Variants in LRP6 observed in about 807,000 individuals in gnomAD.
LRP6 encodes the protein LDL receptor related protein 6.
A neutral mutation model predicts 184.1 loss-of-function variants in LRP6; 43 were observed. That is an observed-to-expected ratio of 0.23 (90% CI 0.18 to 0.30). LRP6 has a LOEUF of 0.30. Among genes scored for constraint, LRP6 ranks in the 10% least tolerant of loss-of-function variants. The pLI is 1.00. For missense variants in LRP6, 1,571 were observed against 2,005.3 expected (o/e 0.78, Z 4.14); for synonymous variants, 719 against 684.9 (o/e 1.05, Z -0.78).
In LRP6 at chr12:12,266,669, C is replaced by A. The variant is rs1865775547; in HGVS notation, c.55+12G>T. On this transcript the variant is annotated intron_variant, in intron 1 of 22. Coordinates refer to ENST00000261349, the MANE Select transcript of LRP6 (RefSeq NM_002336.3). Reference sequence around the variant, plus strand: ...AACCCCACCAACTTTCCAGTGCCCCCACTCTTCCCACCTCTCAGGAGCACA... The same window carrying A: ...AACCCCACCAACTTTCCAGTGCCCCAACTCTTCCCACCTCTCAGGAGCACA... 2 of 1,612,650 alleles carry A rather than the reference C, an allele frequency of 1.2e-6. No individual in the cohort carries two copies. Among genetic ancestry groups the A allele is most frequent in the African/African-American group, 1.3e-5 (1 of 74,954 alleles).
intron 12 of LRP6, chr12:12,155,147 G>C (rs1950133102): frequency 4.4e-6 from 2 of 454,942 alleles, no homozygotes; most frequent in Non-Finnish European, 8.2e-6. Flanking sequence ...AGTGAGCCAA[G>C]ATCACGCCAC....
chr12:12,173,302 T>C (rs1863093465), intron 7 of LRP6, among the ~76,000 whole-genome samples: 1 of 152,182 alleles, frequency 6.6e-6, no homozygotes, highest in African/African-American at 2.4e-5. Flanking sequence ...AAGGGAAAAC[T>C]GCCCTCTCTG....
intron 3 of LRP6, among the ~76,000 whole-genome samples, chr12:12,191,837 T>A: frequency 6.7e-6 from 1 of 149,054 alleles, no homozygotes; most frequent in Non-Finnish European, 1.5e-5. Context: ...AAGAAAAAAA[T>A]GAAAAGGAAG....
At chr12:12,212,526 C>G (rs897676091) in intron 2 of LRP6, among the ~76,000 whole-genome samples, 2 of 152,162 alleles carry the variant, frequency 1.3e-5, no homozygotes, top group African/African-American at 2.4e-5. Flanking sequence ...CCACCGCCCC[C>G]CTGCCAAGTA....
intron 7 of LRP6, among the ~76,000 whole-genome samples, chr12:12,168,525 A>G (rs1468769148): frequency 1.3e-5 from 2 of 152,198 alleles, no homozygotes; most frequent in East Asian, 1.9e-4. Context: ...ATACCACCCT[A>G]TGGCAGGTAT....
intron 15 of LRP6, among the ~76,000 whole-genome samples, chr12:12,141,603 C>A (rs1052650740): frequency 1.3e-5 from 2 of 152,146 alleles, no homozygotes; most frequent in African/African-American, 4.8e-5. Flanking sequence ...CATCTGTATA[C>A]TCCCAGGACA....
At chr12:12,214,541 T>G (rs1048243953) in intron 2 of LRP6, among the ~76,000 whole-genome samples, 18 of 152,258 alleles carry the variant, frequency 1.2e-4, no homozygotes, top group South Asian at 2.1e-4. Flanking sequence ...AGCTTAATTC[T>G]TAAAAGGCAA....
intron 3 of LRP6, among the ~76,000 whole-genome samples, chr12:12,198,533 T>C (rs1314802825): frequency 1.6e-5 from 2 of 126,620 alleles, no homozygotes; most frequent in East Asian, 2.5e-4. Context: ...TTTTTCTCTT[T>C]TTTTTTTTTT....
chr12:12,259,522 C>G (rs543838105), intron 1 of LRP6, among the ~76,000 whole-genome samples: 2 of 152,206 alleles, frequency 1.3e-5, no homozygotes, highest in Non-Finnish European at 2.9e-5. Context: ...ATCAAAGTAT[C>G]AATAATTTTC....
chr12:12,245,269 A>G (rs1342558736), intron 1 of LRP6, among the ~76,000 whole-genome samples: 2 of 152,370 alleles, frequency 1.3e-5, no homozygotes, highest in Admixed American at 6.5e-5. Context: ...CCCTTTGTAC[A>G]TGAAAAATGG....
intron 12 of LRP6, among the ~76,000 whole-genome samples, chr12:12,157,347 T>C (rs1010937680): frequency 3.9e-5 from 6 of 151,980 alleles, no homozygotes; most frequent in South Asian, 2.1e-4. Context: ...GCCACCACCA[T>C]TGTCCAGGTC....
rs1045894085 is a variant in LRP6, at chr12:12,119,893, T to C, written c.*1233A>G. On this transcript the variant is annotated 3_prime_UTR_variant, in exon 23 of 23. Coordinates refer to ENST00000261349, the MANE Select transcript of LRP6 (RefSeq NM_002336.3). ...ATGAAAACATCACAAACTGTTAATA[T>C]AGGGAAAATCCTAATAAGAAAAAAA... 6.7e-6 allele frequency: 1 copy of C among 150,184 alleles called. No individual in the cohort carries two copies. Among genetic ancestry groups the C allele is most frequent in the African/African-American group, 2.5e-5 (1 of 40,812 alleles). 9.3% of individuals were successfully genotyped at this position (150,184 alleles called of 1,614,324 possible).
chr12:12,244,491 C>T lies in LRP6; in HGVS notation c.220G>A (p.Ala74Thr), dbSNP rs1451295753. The T allele has an allele frequency of 5.0e-6, 8 of 1,614,188 alleles. No individual in the cohort carries two copies. The highest frequency in any genetic ancestry group is 6.8e-6 in the Non-Finnish European group (8 of 1,180,034). ...TTGTTAAATTCTGTTCGTTTAATGG[C>T]TTCTTCGCTGACATCACTCCAGTAT... is the stretch of plus-strand genomic sequence containing the variant. ...LIYWSDVSEE[A>T]IKRTEFNKTE... is the part of the protein sequence containing the mutation. The change falls in exon 2 of 23, where the codon GCC (alanine) becomes ACC (threonine). Residue 74 changes from alanine to threonine, a missense_variant. This residue lies in a region of LRP6 where 640 missense variants were observed against 851.9 expected (regional missense o/e 0.75). Transcript: ENST00000261349.
chr12:12,155,337 C>A, intron 12 of LRP6: 1 of 759,402 alleles, frequency 1.3e-6, no homozygotes, highest in Non-Finnish European at 2.4e-6. Context: ...TGGAGTTGTT[C>A]CTTTGGCCAC....
rs560813860 is a variant in LRP6, at chr12:12,147,383, T to C, written c.3380A>G (p.Glu1127Gly). 1.2e-4 allele frequency: 195 copies of C among 1,614,166 alleles called. 4 individuals are homozygous for C. In the South Asian group the frequency reaches 2.1e-3, roughly 17 times the overall value. Residue 1127 changes from glutamate (E) to glycine (G), a missense_variant, in exon 15 of 23, where the codon GAA (glutamate) becomes GGA (glycine). Physicochemically the swap from Glu to Gly is moderately conservative, Grantham distance 98. This residue lies in a region of LRP6 where 763 missense variants were observed against 859.5 expected (regional missense o/e 0.89). Transcript: ENST00000261349. ...TTGGGTACCTGAGAGATCACTGCTT[T>C]CAATTCGCCGGAGATCTGAATCAGC... The part of the protein sequence containing the change: ...FWADSDLRRI[E>G]SSDLSGANRI...
rs1424600244 is a variant in LRP6 at position 12,116,103 on chromosome 12, A to G, written c.*5023T>C. On this transcript the variant is annotated 3_prime_UTR_variant, in exon 23 of 23. Transcript: ENST00000261349. ...AGCTTATTTATTGTAATAATCAAAA[A>G]AGGGGTTTATACAAGGTATTTTTAT... 1 of 152,224 alleles carries G rather than the reference A, an allele frequency of 6.6e-6. No homozygotes were observed. Among genetic ancestry groups the G allele is most frequent in the Non-Finnish European group, 1.5e-5 (1 of 68,038 alleles). 9.4% of individuals were successfully genotyped at this position (152,224 alleles called of 1,614,324 possible). A position where few individuals can be genotyped will look rare whatever the true frequency, so the allele number is the denominator to read the frequency against.
chr12:12,244,386 A>G lies in LRP6; in HGVS notation c.325T>C (p.Leu109=), dbSNP rs1278130916. 1 of 1,614,216 alleles carries G rather than the reference A, an allele frequency of 6.2e-7. No homozygotes were observed. The highest frequency in any genetic ancestry group is 1.3e-5 in the African/African-American group (1 of 75,054). Residue 109 remains leucine, a synonymous_variant, in exon 2 of 23, where the codon TTG becomes CTG. Coordinates refer to ENST00000261349, the MANE Select transcript of LRP6 (RefSeq NM_002336.3). The part of the protein sequence containing the change: ...GLACDWLGEK[L]YWTDSETNRI... Reference sequence around the variant, plus strand: ...TTAGTTTCAGAATCTGTCCAGTACAATTTTTCTCCAAGCCAATCACATGCC... The same window carrying G: ...TTAGTTTCAGAATCTGTCCAGTACAGTTTTTCTCCAAGCCAATCACATGCC...
At chr12:12,251,448 C>T (rs1865323741) in intron 1 of LRP6, among the ~76,000 whole-genome samples, 1 of 151,822 alleles carries the variant, frequency 6.6e-6, no homozygotes, top group Admixed American at 6.6e-5. Flanking sequence ...ACTGCAAGCA[C>T]CACCTCCCGG....
intron 17 of LRP6, among the ~76,000 whole-genome samples, chr12:12,134,414 A>C (rs1277826212): frequency 6.6e-6 from 1 of 152,122 alleles, no homozygotes; most frequent in African/African-American, 2.4e-5. Flanking sequence ...ATTATCCCCA[A>C]AAGGAGGATA....
Sources: allele counts gnomAD v4.1 joint callset (sites outside exome capture counted in the v4.1 genomes callset), GRCh38; gene constraint gnomAD v4.1.1; regional missense constraint gnomAD v4.1.1; transcripts MANE v1.5; gene names NCBI Gene and HGNC (gene_info 2026-07-23, HGNC 2026-07-21).